Variants in PTPN21 observed in about 807,000 individuals in gnomAD.
PTPN21 encodes the protein tyrosine-protein phosphatase non-receptor type 21.
A neutral mutation model predicts 131.8 loss-of-function variants in PTPN21; 77 were observed. The ratio of observed to expected loss-of-function variants is 0.58; its 90% confidence interval spans 0.49 to 0.71. The LOEUF (loss-of-function observed/expected upper bound fraction) is 0.71, where lower values mean the gene tolerates loss of function less well. PTPN21 is among the 30% of genes least tolerant of loss of function. PTPN21 has a pLI of 0.00. For synonymous variants in PTPN21, 715 were observed against 621.3 expected (o/e 1.15, Z -2.24); for missense variants, 1,552 against 1,527.1 (o/e 1.02, Z -0.27).
At position 88,550,502 on chromosome 14, in the gene PTPN21, T is replaced by TCCTCTC. The variant is rs1479257345; in HGVS notation, c.-91_-86dup. ...CGCTGGTGACGCCAGGAGAAAGCGA[T>TCCTCTC]CCTCTCCGGATGGGACGAACACTGT... On this transcript the variant is annotated 5_prime_UTR_variant, in exon 2 of 19. Transcript: ENST00000556564. The TCCTCTC allele has an allele frequency of 9.7e-6, 13 of 1,337,912 alleles. No homozygotes were observed. Among genetic ancestry groups the TCCTCTC allele is most frequent in the Non-Finnish European group, 1.0e-5 (10 of 967,944 alleles). 82.9% of individuals were successfully genotyped at this position (1,337,912 alleles called of 1,614,324 possible). A position where few individuals can be genotyped will look rare whatever the true frequency, so the allele number is the denominator to read the frequency against.
intron 14 of PTPN21, 63 bp from the exon 15 acceptor site, chr14:88,472,528 G>A: frequency 2.9e-6 from 3 of 1,026,704 alleles, no homozygotes; most frequent in Non-Finnish European, 4.4e-6. Context: ...CCTTTTGACT[G>A]TATATTTGAA....
intron 6 of PTPN21, among the ~76,000 whole-genome samples, chr14:88,502,396 G>C (rs763550373): frequency 4.6e-5 from 7 of 151,896 alleles, no homozygotes; most frequent in Non-Finnish European, 8.8e-5. Flanking sequence ...TCACCTTCTG[G>C]GATTCTCCAA....
chr14:88,483,122 G>C (rs1290778988), intron 12 of PTPN21, among the ~76,000 whole-genome samples: 1 of 150,566 alleles, frequency 6.6e-6, no homozygotes, highest in East Asian at 2.0e-4. Context: ...TGAGGCAGGA[G>C]AATGGCGTGA....
chr14:88,548,212 GCTC>G (rs1472828437), intron 2 of PTPN21, among the ~76,000 whole-genome samples: 150 of 152,064 alleles, frequency 9.9e-4, no homozygotes, highest in South Asian at 6.0e-3. Context: ...TCTCCAAAGG[GCTC>G]ACTCTTCACA....
chr14:88,501,375 C>A lies in PTPN21; in HGVS notation c.588-7G>T, dbSNP rs1305750989. ...ATCAGGAGCTGTGAGCCCTCTGCAA[C>A]CCAAAAGAAGCAAGATTGTTCACAA... is the stretch of plus-strand genomic sequence containing the variant. On this transcript the variant is annotated splice_polypyrimidine_tract_variant and splice_region_variant and intron_variant, in intron 6 of 18. Coordinates refer to ENST00000556564, the MANE Select transcript of PTPN21 (RefSeq NM_007039.4). The A allele has an allele frequency of 6.2e-7, 1 of 1,611,536 alleles. No homozygotes were observed. The highest frequency in any genetic ancestry group is 2.2e-5 in the East Asian group (1 of 44,876).
chr14:88,483,530 G>A (rs2077684107), intron 12 of PTPN21, among the ~76,000 whole-genome samples: 2 of 152,132 alleles, frequency 1.3e-5, no homozygotes, highest in Admixed American at 6.5e-5. Context: ...TTACACCAGG[G>A]CCGACACAAA....
In PTPN21 at chr14:88,519,123, A is replaced by C. The variant is rs2078350312; in HGVS notation, c.181-1862T>G. 3.3e-5 allele frequency among the ~76,000 whole-genome samples: 5 copies of C among 152,318 alleles called. No homozygotes were observed. In the South Asian group the frequency reaches 1.0e-3, roughly 32 times the overall value. Reference sequence around the variant, plus strand: ...GCATTTAGATCTCACTTGCTGTGAAATGAAACTGTTAAGATAAATCAATAC... The same window carrying C: ...GCATTTAGATCTCACTTGCTGTGAACTGAAACTGTTAAGATAAATCAATAC... On this transcript the variant is annotated intron_variant, in intron 2 of 18. Coordinates refer to ENST00000556564, the MANE Select transcript of PTPN21 (RefSeq NM_007039.4).
At chr14:88,539,446 C>T (rs2078674851) in intron 2 of PTPN21, among the ~76,000 whole-genome samples, 1 of 152,014 alleles carries the variant, frequency 6.6e-6, no homozygotes, top group Non-Finnish European at 1.5e-5. Context: ...TGGGGTTTCT[C>T]CATGTTGGTC....
At chr14:88,529,527 G>A (rs2078525115) in intron 2 of PTPN21, among the ~76,000 whole-genome samples, 1 of 151,946 alleles carries the variant, frequency 6.6e-6, no homozygotes, top group Non-Finnish European at 1.5e-5. Context: ...TAAAACTTGG[G>A]GAAACTTATT....
Position 88,537,999 on chromosome 14 carries a change from T to A in PTPN21, c.180+12239A>T, listed in dbSNP as rs114646894. Among the ~76,000 whole-genome samples the A allele has an allele frequency of 5.1e-3, 776 of 152,316 alleles. 9 individuals carry two copies. Among genetic ancestry groups the A allele is most frequent in the African/African-American group, 0.018 (747 of 41,558 alleles). On this transcript the variant is annotated intron_variant, in intron 2 of 18. Transcript: ENST00000556564. ...ATAATTTTATGGGACCACCATCTTA[T>A]AAGCAGTCTGTCATTGACCAAAAAT...
chr14:88,480,182 A>T lies in PTPN21; in HGVS notation c.1249T>A (p.Ser417Thr), dbSNP rs2077629829. 6.2e-7 allele frequency: 1 copy of T among 1,613,978 alleles called. No individual in the cohort carries two copies. Among genetic ancestry groups the T allele is most frequent in the African/African-American group, 1.3e-5 (1 of 74,898 alleles). The change falls in exon 13 of 19, where the codon TCC (serine) becomes ACC (threonine). Residue 417 changes from serine (S) to threonine (T), a missense_variant. This residue lies in a region of PTPN21 where 1,016 missense variants were observed against 883.5 expected (regional missense o/e 1.15). Transcript: ENST00000556564. ...QPYLQPSPMS[S>T]NPSITGSDVM... ...TCACTCCCGGTGATGCTAGGGTTGG[A>T]CGACATCGGCGAGGGCTGCAAGTAG...
intron 2 of PTPN21, among the ~76,000 whole-genome samples, chr14:88,535,287 GA>G (rs1312638814): frequency 3.3e-5 from 5 of 152,176 alleles, no homozygotes; most frequent in Non-Finnish European, 7.3e-5. Context: ...ACACAACAAT[GA>G]AATTGCCTAA....
intron 2 of PTPN21, among the ~76,000 whole-genome samples, chr14:88,534,366 A>T (rs1170585439): frequency 6.6e-6 from 1 of 151,822 alleles, no homozygotes; most frequent in Non-Finnish European, 1.5e-5. Context: ...CTGGGCAACA[A>T]AGTAAGACTG....
At chr14:88,487,317 T>C (rs1275176296) in intron 10 of PTPN21, among the ~76,000 whole-genome samples, 1 of 152,176 alleles carries the variant, frequency 6.6e-6, no homozygotes, top group African/African-American at 2.4e-5. Flanking sequence ...TAACACATAA[T>C]CACTGATTAC....
chr14:88,472,382 C>G lies in PTPN21; in HGVS notation c.2733G>C (p.Gly911=). ...CAGGGAGTCGTGCTGTTGAGCACTC[C>G]CCATCAACTAGCCGTTTCTTAAGAA... ...ERILKKRLVD[G]ECSTARLPEN... The change falls in exon 15 of 19, where the codon GGG becomes GGC. Residue 911 remains glycine (G), a synonymous_variant. Coordinates refer to ENST00000556564, the MANE Select transcript of PTPN21 (RefSeq NM_007039.4). 6.2e-7 allele frequency: 1 copy of G among 1,613,822 alleles called. No individual in the cohort carries two copies. The highest frequency in any genetic ancestry group is 8.5e-7 in the Non-Finnish European group (1 of 1,179,738).
At chr14:88,550,032 C>T (rs1042541437) in intron 2 of PTPN21, among the ~76,000 whole-genome samples, 1 of 152,100 alleles carries the variant, frequency 6.6e-6, no homozygotes, top group African/African-American at 2.4e-5. Flanking sequence ...GATTCGCCCG[C>T]CTCGGCCTCC....
chr14:88,503,132 T>C (rs1209946331), intron 6 of PTPN21, among the ~76,000 whole-genome samples: 1 of 151,328 alleles, frequency 6.6e-6, no homozygotes, highest in East Asian at 2.0e-4. Context: ...ACCTCCCAGG[T>C]TCAAGCGAAT....
chr14:88,466,868 T>TTAAC lies in PTPN21; in HGVS notation c.*1265_*1268dup, dbSNP rs1170636171. On this transcript the variant is annotated 3_prime_UTR_variant, in exon 19 of 19. Coordinates refer to ENST00000556564, the MANE Select transcript of PTPN21 (RefSeq NM_007039.4). ...TTGGGAGAAGAGGTGAAAACTATTA[T>TTAAC]TAACTATTCCCTTCCTTCAACCAAA... 2 of 152,222 alleles carry TTAAC rather than the reference T, an allele frequency of 1.3e-5. No individual in the cohort carries two copies. The highest frequency in any genetic ancestry group is 4.8e-5 in the African/African-American group (2 of 41,464). The allele number at this position is 152,222 out of a possible 1,614,324, so 9.4% of individuals were successfully genotyped here.
At chr14:88,550,031 G>A (rs2078840371) in intron 2 of PTPN21, among the ~76,000 whole-genome samples, 1 of 151,962 alleles carries the variant, frequency 6.6e-6, no homozygotes, top group South Asian at 2.1e-4. Context: ...TGATTCGCCC[G>A]CCTCGGCCTC....
Sources: gnomAD v4.1 joint callset for allele counts (sites outside exome capture counted in the v4.1 genomes callset) on GRCh38, gnomAD v4.1.1 for gene constraint, gnomAD v4.1.1 regional missense constraint, MANE v1.5 for transcripts, NCBI Gene and HGNC (gene_info 2026-07-23, HGNC 2026-07-21) for gene names.